Variants in LIMS1 observed in about 807,000 individuals in gnomAD.
LIMS1 encodes LIM and senescent cell antigen-like-containing domain protein 1.
Under a neutral mutation model 44.1 loss-of-function variants are expected in LIMS1, and 18 were observed. The observed-to-expected ratio is 0.41, with a 90% confidence interval of 0.28 to 0.61. LIMS1 has a LOEUF of 0.61. Among genes scored for constraint, LIMS1 ranks in the 20% least tolerant of loss-of-function variants. The pLI, the probability that LIMS1 is intolerant of heterozygous loss-of-function variation, is 0.32. For synonymous variants in LIMS1, 93 were observed against 149.1 expected (o/e 0.62, Z 2.74); for missense variants, 201 against 422.0 (o/e 0.48, Z 4.59).
chr2:108,632,896 G>A (rs1689011047), intron 1 of LIMS1, among the ~76,000 whole-genome samples: 1 of 152,170 alleles, frequency 6.6e-6, no homozygotes, highest in Non-Finnish European at 1.5e-5. Flanking sequence ...CATAGCAAGT[G>A]TACACATTGA....
At chr2:108,558,018 A>G (rs1684981843) in intron 1 of LIMS1, among the ~76,000 whole-genome samples, 1 of 152,262 alleles carries the variant, frequency 6.6e-6, no homozygotes, top group Non-Finnish European at 1.5e-5. Flanking sequence ...TCACAGTTCT[A>G]TTAATACTTT....
At chr2:108,561,769 G>C (rs1292326506) in intron 1 of LIMS1, among the ~76,000 whole-genome samples, 1 of 145,700 alleles carries the variant, frequency 6.9e-6, no homozygotes, top group African/African-American at 2.5e-5. Flanking sequence ...TTGAGGCGGA[G>C]TCTCACTCTG....
At chr2:108,582,459 T>G (rs1308480955) in intron 1 of LIMS1, among the ~76,000 whole-genome samples, 2 of 152,208 alleles carry the variant, frequency 1.3e-5, no homozygotes, top group Admixed American at 6.5e-5. Context: ...TCATCAGGTT[T>G]AGGTTGATAT....
At chr2:108,552,898 G>C (rs140033264) in intron 1 of LIMS1, among the ~76,000 whole-genome samples, 79 of 152,088 alleles carry the variant, frequency 5.2e-4, no homozygotes, top group Non-Finnish European at 5.0e-4. Context: ...ATAAACACCA[G>C]AAGTTTCTTC....
At chr2:108,552,355 C>CTATA (rs577028714) in intron 1 of LIMS1, among the ~76,000 whole-genome samples, 12 of 135,978 alleles carry the variant, frequency 8.8e-5, no homozygotes, top group East Asian at 4.2e-4. Flanking sequence ...ATATATGAAA[C>CTATA]TATATACTAT....
intron 1 of LIMS1, among the ~76,000 whole-genome samples, chr2:108,599,169 C>T (rs2438273): frequency 7.2e-5 from 11 of 152,284 alleles, no homozygotes; most frequent in African/African-American, 2.6e-4. Context: ...TAACCATTCC[C>T]TTCCCATTCC....
intron 3 of LIMS1, chr2:108,671,086 G>C: frequency 3.9e-6 from 2 of 508,232 alleles, no homozygotes; most frequent in Non-Finnish European, 7.0e-6. Context: ...CAGGAGAATC[G>C]CTCGAACCCA....
chr2:108,550,790 T>A (rs57973912), intron 1 of LIMS1, among the ~76,000 whole-genome samples: 56,562 of 149,330 alleles, frequency 0.38, 12,389 homozygotes, highest in East Asian at 0.89. Flanking sequence ...CACTCCAGCC[T>A]GGGCGGCAGA....
chr2:108,540,357 C>T (rs139756395), intron 1 of LIMS1, among the ~76,000 whole-genome samples: 49 of 152,202 alleles, frequency 3.2e-4, no homozygotes, highest in African/African-American at 1.1e-3. Flanking sequence ...TGCCACAACA[C>T]CTGGCTAATT....
chr2:108,565,209 A>G (rs1685255903), intron 1 of LIMS1, among the ~76,000 whole-genome samples: 1 of 152,166 alleles, frequency 6.6e-6, no homozygotes, highest in African/African-American at 2.4e-5. Flanking sequence ...AGTTTTTTAA[A>G]TGGAATGTAT....
chr2:108,549,437 G>T (rs1309291787), intron 1 of LIMS1, among the ~76,000 whole-genome samples: 5 of 151,714 alleles, frequency 3.3e-5, no homozygotes, highest in Non-Finnish European at 7.4e-5. Context: ...TGGGACTACA[G>T]GCGTGTACCA....
At position 108,647,947 on chromosome 2, in the gene LIMS1, A is replaced by G. The variant is rs376155151; in HGVS notation, c.33-11658A>G. ...TCTTACCACTCCTATTCAACATAGT[A>G]TTAGAAGTTCTGGCCAGGGCAATCA... is the stretch of plus-strand genomic sequence containing the variant. On this transcript the variant is annotated intron_variant, in intron 1 of 9. Transcript: ENST00000544547. Among the ~76,000 whole-genome samples the G allele has an allele frequency of 2.0e-3, 306 of 152,344 alleles. 3 individuals carry two copies. Among genetic ancestry groups the G allele is most frequent in the African/African-American group, 7.0e-3 (292 of 41,582 alleles).
chr2:108,678,023 T>C, exon 8 of LIMS1: 1 of 1,604,294 alleles, frequency 6.2e-7, no homozygotes, highest in South Asian at 1.1e-5. Flanking sequence ...TTATAGAAGG[T>C]GATGGTAAGT....
intron 5 of LIMS1, 117 bp downstream of exon 5, chr2:108,673,146 A>G: frequency 1.4e-6 from 2 of 1,445,750 alleles, no homozygotes; most frequent in Non-Finnish European, 1.9e-6. Context: ...AGTCTAGAAA[A>G]TTTTAAACCT....
At chr2:108,541,812 G>A (rs527629379) in intron 1 of LIMS1, among the ~76,000 whole-genome samples, 4 of 152,196 alleles carry the variant, frequency 2.6e-5, no homozygotes, top group South Asian at 2.1e-4. Flanking sequence ...ATAAAATAAC[G>A]AATTCCTGGA....
chr2:108,625,653 C>T (rs889300691), intron 1 of LIMS1, among the ~76,000 whole-genome samples: 7 of 151,566 alleles, frequency 4.6e-5, no homozygotes, highest in African/African-American at 1.7e-4. Context: ...GGGAAGTTGC[C>T]ACACAGCAGC....
chr2:108,643,322 G>A (rs537689532), intron 1 of LIMS1, among the ~76,000 whole-genome samples: 4 of 152,328 alleles, frequency 2.6e-5, no homozygotes, highest in African/African-American at 9.6e-5. Flanking sequence ...GGGACTGGTT[G>A]GACAGTGGGT....
At chr2:108,591,164 C>T (rs1686368132) in intron 1 of LIMS1, among the ~76,000 whole-genome samples, 1 of 152,160 alleles carries the variant, frequency 6.6e-6, no homozygotes. Context: ...ATAGCAATAC[C>T]ATACGAAAGG....
At chr2:108,625,817 T>C (rs1034153283) in intron 1 of LIMS1, among the ~76,000 whole-genome samples, 2 of 152,216 alleles carry the variant, frequency 1.3e-5, no homozygotes, top group Admixed American at 1.3e-4. Flanking sequence ...AGAATAAACC[T>C]TCCAAGCTCA....
Sources: gnomAD v4.1 joint callset for allele counts (sites outside exome capture counted in the v4.1 genomes callset) on GRCh38, gnomAD v4.1.1 for gene constraint, MANE v1.5 for transcripts, NCBI Gene and HGNC (gene_info 2026-07-23, HGNC 2026-07-21) for gene names.